Variants in DNAAF5 observed in about 807,000 individuals in gnomAD.
DNAAF5 encodes dynein axonemal assembly factor 5.
DNAAF5 carries 64 observed loss-of-function variants against 75.8 expected under a neutral mutation model. The observed-to-expected ratio is 0.84, with a 90% CI of 0.69 to 1.04. The LOEUF is 1.04. Ranked by LOEUF, DNAAF5 falls within the 50% of genes least tolerant of loss-of-function variation. DNAAF5 has a pLI of 0.00. For missense variants in DNAAF5, 1,269 were observed against 1,178.5 expected (o/e 1.08, Z -1.12); for synonymous variants, 657 against 557.2 (o/e 1.18, Z -2.52).
At chr7:729,925 C>G in intron 2 of DNAAF5, 78 bp downstream of exon 2, 2 of 1,412,946 alleles carry the variant, frequency 1.4e-6, no homozygotes, top group Non-Finnish European at 2.0e-6. Flanking sequence ...AACTAACTCA[C>G]TTGTTCTTTT....
rs1202023063 is a variant in DNAAF5, at chr7:764,096, G to A, written c.1783+122G>A. On this transcript the variant is annotated intron_variant, in intron 8 of 12. Coordinates refer to ENST00000297440, the MANE Select transcript of DNAAF5 (RefSeq NM_017802.4). Reference sequence around the variant, plus strand: ...GAGCTGTGGTTCACTGAAGCGTGTTGTTAAAAGTACCCAATAGTCACTCTT... The same window carrying A: ...GAGCTGTGGTTCACTGAAGCGTGTTATTAAAAGTACCCAATAGTCACTCTT... 7.6e-6 allele frequency: 8 copies of A among 1,054,032 alleles called. No individual in the cohort carries two copies. The African/African-American group carries it at 1.2e-4, about 16-fold the overall frequency. 65.3% of individuals were successfully genotyped at this position (1,054,032 alleles called of 1,614,324 possible).
chr7:769,663 T>G (rs1405253911), intron 8 of DNAAF5, among the ~76,000 whole-genome samples: 3 of 152,252 alleles, frequency 2.0e-5, no homozygotes, highest in Non-Finnish European at 2.9e-5. Flanking sequence ...AATGGAAGGT[T>G]GTTTTGTTTT....
At chr7:771,555 C>T (rs1372599745) in intron 9 of DNAAF5, 1 of 152,296 alleles carries the variant, frequency 6.6e-6, no homozygotes, top group Non-Finnish European at 1.5e-5. Flanking sequence ...CATCTCTGCT[C>T]TCGGGCCTCA....
chr7:766,813 A>C (rs1782835133), intron 8 of DNAAF5, among the ~76,000 whole-genome samples: 1 of 151,834 alleles, frequency 6.6e-6, no homozygotes, highest in African/African-American at 2.4e-5. Context: ...ATGATTCCAA[A>C]AAACAAAAAG....
At chr7:778,041 C>G (rs1203331008) in intron 11 of DNAAF5, 1 of 152,196 alleles carries the variant, frequency 6.6e-6, no homozygotes, top group African/African-American at 2.4e-5. Context: ...ACAGTACACA[C>G]GGCGCTGGGC....
intron 11 of DNAAF5, among the ~76,000 whole-genome samples, chr7:777,249 A>G (rs1419368703): frequency 6.6e-6 from 1 of 152,156 alleles, no homozygotes; most frequent in Non-Finnish European, 1.5e-5. Context: ...TCTTCCATGA[A>G]ACCAGCCCCT....
intron 12 of DNAAF5, 64 bp downstream of exon 12, chr7:780,208 G>A (rs1487426435): frequency 8.7e-6 from 13 of 1,496,888 alleles, no homozygotes; most frequent in South Asian, 1.2e-5. Flanking sequence ...ACGGGCATCT[G>A]TAGCTGAGCC....
At chr7:760,723 A>C (rs1782618270) in intron 6 of DNAAF5, among the ~76,000 whole-genome samples, 1 of 152,234 alleles carries the variant, frequency 6.6e-6, no homozygotes, top group South Asian at 2.1e-4. Context: ...GGTCCAGCAC[A>C]CGCCTGCTGT....
At chr7:784,166 C>T (rs1393322263) in intron 12 of DNAAF5, among the ~76,000 whole-genome samples, 3 of 152,300 alleles carry the variant, frequency 2.0e-5, no homozygotes, top group South Asian at 2.1e-4. Context: ...GCGCCAGGCA[C>T]AGCTGGCGGC....
At chr7:769,208 G>A (rs776127314) in intron 8 of DNAAF5, 76 of 771,888 alleles carry the variant, frequency 9.8e-5, no homozygotes, top group Non-Finnish European at 1.6e-4. Flanking sequence ...GGCTCAAGGT[G>A]ACTCACAGTT....
At chr7:762,348 G>A (rs1209790900) in intron 7 of DNAAF5, among the ~76,000 whole-genome samples, 1 of 151,988 alleles carries the variant, frequency 6.6e-6, no homozygotes, top group Non-Finnish European at 1.5e-5. Context: ...TTAGCCAGGC[G>A]TGTTGGCATG....
intron 6 of DNAAF5, among the ~76,000 whole-genome samples, chr7:759,986 G>A (rs1782593865): frequency 6.6e-6 from 1 of 152,218 alleles, no homozygotes. Flanking sequence ...AATCAGGAAT[G>A]GAATAAAAAC....
At chr7:734,912 T>C (rs923076302) in intron 2 of DNAAF5, among the ~76,000 whole-genome samples, 2 of 151,886 alleles carry the variant, frequency 1.3e-5, no homozygotes, top group Non-Finnish European at 2.9e-5. Context: ...TTGCTCACAG[T>C]GTCGTTGCTC....
At position 786,280 on chromosome 7, in the gene DNAAF5, A is replaced by G. The variant is rs1241799372; in HGVS notation, c.*627A>G. ...ATGAGATCTAATTGTGGTTGCCCCT[A>G]TAGGTAGCAGGAAAGTAAAGTTGCA... On this transcript the variant is annotated 3_prime_UTR_variant, in exon 13 of 13. Transcript: ENST00000297440. 3.3e-5 allele frequency: 5 copies of G among 152,196 alleles called. No individual in the cohort carries two copies. Among genetic ancestry groups the G allele is most frequent in the African/African-American group, 1.2e-4 (5 of 41,428 alleles). 9.4% of individuals were successfully genotyped at this position (152,196 alleles called of 1,614,324 possible).
chr7:769,129 T>C, intron 8 of DNAAF5: 1 of 766,438 alleles, frequency 1.3e-6, no homozygotes, highest in South Asian at 1.4e-5. Flanking sequence ...CTCAGTCCAC[T>C]ACCGAGCAGC....
At chr7:745,438 A>ATG (rs1782058752) in intron 4 of DNAAF5, among the ~76,000 whole-genome samples, 1 of 150,360 alleles carries the variant, frequency 6.7e-6, no homozygotes, top group African/African-American at 2.5e-5. Context: ...ACACACACAC[A>ATG]CACATATTCA....
chr7:740,705 C>T (rs1258241918), intron 2 of DNAAF5, 114 bp from the exon 3 acceptor site: 9 of 1,446,720 alleles, frequency 6.2e-6, no homozygotes, highest in Non-Finnish European at 7.5e-6. Flanking sequence ...CAGGACCTGG[C>T]CGTGCCTCTG....
At chr7:769,375 G>T (rs940208383) in intron 8 of DNAAF5, among the ~76,000 whole-genome samples, 5 of 152,154 alleles carry the variant, frequency 3.3e-5, no homozygotes, top group African/African-American at 1.2e-4. Context: ...AGCTGTCCTT[G>T]CCCTGTCATT....
At position 741,380 on chromosome 7, in the gene DNAAF5, C is replaced by T; in HGVS notation, c.939C>T (p.Gly313=). 4 of 1,585,596 alleles carry T rather than the reference C, an allele frequency of 2.5e-6. No individual in the cohort carries two copies. The highest frequency in any genetic ancestry group is 2.6e-6 in the Non-Finnish European group (3 of 1,166,878). ...QLAASLWEDV[G]LQWQKENEED... is the part of the protein sequence containing the mutation. ...CTGCCAGCCTCTGGGAGGACGTTGG[C>T]CTGCAGTGGCAGAAGGAGAATGAGG... is the stretch of plus-strand genomic sequence containing the variant. Residue 313 remains glycine, a synonymous_variant, in exon 4 of 13, where the codon GGC becomes GGT. Coordinates refer to ENST00000297440, the MANE Select transcript of DNAAF5 (RefSeq NM_017802.4).
Sources: gnomAD v4.1 joint callset for allele counts (sites outside exome capture counted in the v4.1 genomes callset) on GRCh38, gnomAD v4.1.1 for gene constraint, MANE v1.5 for transcripts, NCBI Gene and HGNC (gene_info 2026-07-23, HGNC 2026-07-21) for gene names.